MAP3K1: variants seen among roughly 807,000 people sequenced by gnomAD.
MAP3K1 encodes the protein mitogen-activated protein kinase kinase kinase 1, also known as MAP/ERK kinase kinase 1.
Under a neutral mutation model 144.2 loss-of-function variants are expected in MAP3K1, and 36 were observed. The ratio of observed to expected loss-of-function variants is 0.25; its 90% CI spans 0.19 to 0.33. The LOEUF (loss-of-function observed/expected upper bound fraction) is 0.33. Ranked by LOEUF, MAP3K1 falls within the 10% of genes least tolerant of loss-of-function variation. The pLI, the probability that MAP3K1 is intolerant of heterozygous loss-of-function variation, is 1.00. For missense variants in MAP3K1, 1,650 were observed against 1,881.9 expected, an observed-to-expected ratio of 0.88 and a Z score of 2.28; for synonymous variants, 718 against 688.7, an observed-to-expected ratio of 1.04 and a Z score of -0.67.
chr5:56,879,315 A>G (rs1322959211), intron 11 of MAP3K1, among the ~76,000 whole-genome samples: 8 of 152,224 alleles, frequency 5.3e-5, no homozygotes, highest in Non-Finnish European at 1.2e-4. Context: ...AACAAACTGC[A>G]TGGATCTCCA....
At chr5:56,881,377 G>T in intron 13 of MAP3K1, 105 bp downstream of exon 13, 1 of 1,073,000 alleles carries the variant, frequency 9.3e-7, no homozygotes, top group South Asian at 1.3e-5. Flanking sequence ...AGCATGAATA[G>T]GTTGCTGATA....
chr5:56,853,278 AAG>A (rs1458376436), intron 1 of MAP3K1, among the ~76,000 whole-genome samples: 2 of 152,222 alleles, frequency 1.3e-5, no homozygotes, highest in African/African-American at 4.8e-5. Flanking sequence ...AATTATTACA[AAG>A]AGACTAGGAA....
Position 56,893,674 on chromosome 5 carries a change from A to T in MAP3K1, c.4533A>T (p.Thr1511=), listed in dbSNP as rs763798432. ...TGAAGCATCCAGTCTTTCGTACTAC[A>T]TGGTAGCCAATTATGCAGATCAACT... ...ELLKHPVFRT[T]W is the part of the protein sequence containing the mutation. Residue 1511 remains threonine, a synonymous_variant, in exon 20 of 20, where the codon ACA becomes ACT. Coordinates refer to ENST00000399503, the MANE Select transcript of MAP3K1 (RefSeq NM_005921.2). The T allele has an allele frequency of 9.0e-5, 146 of 1,613,730 alleles. No homozygotes were observed. The highest frequency in any genetic ancestry group is 1.2e-4 in the Non-Finnish European group (141 of 1,179,814).
chr5:56,853,661 T>C (rs1747246011), intron 1 of MAP3K1, among the ~76,000 whole-genome samples: 1 of 152,148 alleles, frequency 6.6e-6, no homozygotes, highest in Non-Finnish European at 1.5e-5. Flanking sequence ...GAGTTCTTAA[T>C]TGAAATTGGG....
intron 19 of MAP3K1, among the ~76,000 whole-genome samples, chr5:56,889,936 C>A (rs1000777202): frequency 1.3e-5 from 2 of 152,168 alleles, no homozygotes; most frequent in Admixed American, 1.3e-4. Flanking sequence ...ATTATCACCT[C>A]ATTTCCTCTA....
chr5:56,843,218 C>T (rs1213188115), intron 1 of MAP3K1, among the ~76,000 whole-genome samples: 2 of 152,190 alleles, frequency 1.3e-5, no homozygotes, highest in Non-Finnish European at 2.9e-5. Context: ...CTGAAGTCCC[C>T]AGTGTGGGTC....
chr5:56,843,952 A>C (rs1045949096), intron 1 of MAP3K1, among the ~76,000 whole-genome samples: 6 of 152,152 alleles, frequency 3.9e-5, no homozygotes, highest in Admixed American at 1.3e-4. Flanking sequence ...AGTATGTTCC[A>C]AGGAACACTG....
intron 11 of MAP3K1, among the ~76,000 whole-genome samples, 196 bp from the exon 12 acceptor site, chr5:56,880,515 A>T (rs927635598): frequency 1.3e-5 from 2 of 152,204 alleles, no homozygotes. Flanking sequence ...GATATGTTAA[A>T]TTTACGAAAT....
chr5:56,868,284 C>T (rs1293814153), intron 6 of MAP3K1, among the ~76,000 whole-genome samples: 2 of 152,044 alleles, frequency 1.3e-5, no homozygotes, highest in East Asian at 1.9e-4. Context: ...TTCATTACTC[C>T]CTGCTCTATA....
chr5:56,866,527 TTTCTG>T (rs1332928008), intron 6 of MAP3K1, among the ~76,000 whole-genome samples: 1 of 152,214 alleles, frequency 6.6e-6, no homozygotes, highest in Non-Finnish European at 1.5e-5. Context: ...GTGAATCTTC[TTTCTG>T]TTCTGTATAT....
chr5:56,863,110 A>G (rs948211601), intron 3 of MAP3K1, among the ~76,000 whole-genome samples: 2 of 152,250 alleles, frequency 1.3e-5, no homozygotes, highest in Non-Finnish European at 2.9e-5. Flanking sequence ...TGCCCAAGTA[A>G]GGCAAACACC....
intron 1 of MAP3K1, among the ~76,000 whole-genome samples, chr5:56,827,191 C>G (rs1448594314): frequency 1.3e-5 from 2 of 152,196 alleles, no homozygotes; most frequent in Non-Finnish European, 2.9e-5. Context: ...AGGGACCAAG[C>G]TGGGACACGA....
chr5:56,849,697 C>T (rs1440197691), intron 1 of MAP3K1, among the ~76,000 whole-genome samples: 2 of 152,180 alleles, frequency 1.3e-5, no homozygotes, highest in Non-Finnish European at 2.9e-5. Context: ...GACAGTATGT[C>T]TCTGGAGAAA....
intron 3 of MAP3K1, among the ~76,000 whole-genome samples, chr5:56,863,454 G>A (rs1180485023): frequency 6.6e-6 from 1 of 152,096 alleles, no homozygotes; most frequent in East Asian, 1.9e-4. Flanking sequence ...TATTTTCAAG[G>A]TTCATCCATG....
intron 1 of MAP3K1, among the ~76,000 whole-genome samples, chr5:56,838,709 T>G (rs1209895703): frequency 1.3e-5 from 2 of 152,184 alleles, no homozygotes; most frequent in South Asian, 2.1e-4. Context: ...GAATCCTTAG[T>G]GGGTGGCATT....
chr5:56,834,774 A>G (rs1581213610), intron 1 of MAP3K1, among the ~76,000 whole-genome samples: 1 of 152,320 alleles, frequency 6.6e-6, no homozygotes, highest in South Asian at 2.1e-4. Context: ...TTAAATTAAA[A>G]TGTGAGTTGA....
intron 6 of MAP3K1, among the ~76,000 whole-genome samples, chr5:56,870,645 T>C (rs1025449332): frequency 6.6e-6 from 1 of 152,192 alleles, no homozygotes; most frequent in African/African-American, 2.4e-5. Flanking sequence ...TATGTTCTGG[T>C]GTGCAGTTTT....
chr5:56,853,429 C>T (rs1747236845), intron 1 of MAP3K1, among the ~76,000 whole-genome samples: 1 of 152,050 alleles, frequency 6.6e-6, no homozygotes, highest in Non-Finnish European at 1.5e-5. Context: ...AAATTTAAAA[C>T]TGGGAAGGCT....
At chr5:56,838,441 A>G (rs1483427395) in intron 1 of MAP3K1, among the ~76,000 whole-genome samples, 2 of 152,264 alleles carry the variant, frequency 1.3e-5, no homozygotes, top group Admixed American at 1.3e-4. Context: ...TAGTGAAAAG[A>G]AATTGGCATA....
Sources: gnomAD v4.1 joint callset for allele counts (sites outside exome capture counted in the v4.1 genomes callset) on GRCh38, gnomAD v4.1.1 for gene constraint, MANE v1.5 for transcripts, NCBI Gene and HGNC (gene_info 2026-07-23, HGNC 2026-07-21) for gene names.